ERGIC2: variants seen among roughly 807,000 people sequenced by gnomAD.
The protein encoded by ERGIC2 is endoplasmic reticulum-Golgi intermediate compartment protein 2.
A neutral mutation model predicts 52.5 loss-of-function variants in ERGIC2; 31 were observed. The observed-to-expected ratio is 0.59, with a 90% CI of 0.44 to 0.80. ERGIC2 has a LOEUF of 0.80. Among genes scored for constraint, ERGIC2 ranks in the 30% least tolerant of loss-of-function variants. The pLI is 0.00. For missense variants in ERGIC2, 395 were observed against 455.2 expected, an observed-to-expected ratio of 0.87 and a Z score of 1.20; for synonymous variants, 129 against 140.6, an observed-to-expected ratio of 0.92 and a Z score of 0.58.
At chr12:29,368,331 G>C (rs1435872589) in intron 3 of ERGIC2, 44 bp from the exon 4 acceptor site, 1 of 998,972 alleles carries the variant, frequency 1.0e-6, no homozygotes, top group East Asian at 2.4e-5. Context: ...CAATTAATTA[G>C]CAAAACATGA....
chr12:29,363,638 A>T (rs1046661850), intron 5 of ERGIC2, among the ~76,000 whole-genome samples: 25 of 152,106 alleles, frequency 1.6e-4, no homozygotes, highest in African/African-American at 5.5e-4. Context: ...CAATGAAAAC[A>T]GTCAACAATA....
chr12:29,377,831 CTT>C (rs1172149879), intron 1 of ERGIC2, among the ~76,000 whole-genome samples: 1 of 152,128 alleles, frequency 6.6e-6, no homozygotes, highest in Non-Finnish European at 1.5e-5. Flanking sequence ...AATTCATGAA[CTT>C]TTTATAGTCT....
intron 6 of ERGIC2, among the ~76,000 whole-genome samples, chr12:29,360,675 T>TATAATATAC (rs1421084531): frequency 6.7e-6 from 1 of 148,868 alleles, no homozygotes; most frequent in Non-Finnish European, 1.5e-5. Context: ...CAGAAATATA[T>TATAATATAC]ATAATATACA....
chr12:29,378,479 G>A (rs933804057), intron 1 of ERGIC2, among the ~76,000 whole-genome samples: 29 of 151,614 alleles, frequency 1.9e-4, no homozygotes, highest in African/African-American at 7.0e-4. Context: ...AGAAATAAAA[G>A]GTAAAACTAC....
intron 1 of ERGIC2, among the ~76,000 whole-genome samples, chr12:29,380,120 A>C (rs547081288): frequency 6.6e-6 from 1 of 152,098 alleles, no homozygotes; most frequent in African/African-American, 2.4e-5. Context: ...CCACCCTCCC[A>C]AAAAATCAGA....
chr12:29,343,063 C>A, intron 12 of ERGIC2, 57 bp downstream of exon 12: 3 of 1,422,444 alleles, frequency 2.1e-6, no homozygotes, highest in Admixed American at 2.2e-5. Flanking sequence ...TGAGAAGAAG[C>A]AACTTAAGTA....
At position 29,345,108 on chromosome 12, in the gene ERGIC2, C is replaced by G. The variant is rs138964624; in HGVS notation, c.825+335G>C. 3.4e-3 allele frequency among the ~76,000 whole-genome samples: 523 copies of G among 152,218 alleles called. 5 individuals are homozygous for G. Among genetic ancestry groups the G allele is most frequent in the African/African-American group, 0.012 (491 of 41,550 alleles). On this transcript the variant is annotated intron_variant, in intron 11 of 13. Transcript: ENST00000360150. ...AAAGAATCTGCTGCCAGATCAAGAA[C>G]TGCTTATATCAATTTATGAGAAAAC...
In ERGIC2 at chr12:29,356,257, A is replaced by C. The variant is rs956771642; in HGVS notation, c.572+125T>G. On this transcript the variant is annotated intron_variant, in intron 8 of 13. Transcript: ENST00000360150. ...AGGCAGTTCTTGAACTCCTGACCTC[A>C]GGTGATCCACCCGCCTCAGCCTCCC... The C allele has an allele frequency of 1.0e-5, 6 of 586,134 alleles. No individual in the cohort carries two copies. In the Admixed American group the frequency reaches 1.6e-4, roughly 16 times the overall value. The allele number at this position is 586,134 out of a possible 1,614,324, so 36.3% of individuals were successfully genotyped here. A position where few individuals can be genotyped will look rare whatever the true frequency, so the allele number is the denominator to read the frequency against.
chr12:29,356,534 T>A, intron 7 of ERGIC2, 57 bp from the exon 8 acceptor site: 2 of 888,046 alleles, frequency 2.3e-6, no homozygotes, highest in Non-Finnish European at 3.5e-6. Flanking sequence ...CATTTTATGA[T>A]GAGAAAAATG....
At chr12:29,341,324 A>C (rs925368604) in intron 13 of ERGIC2, 106 bp from the exon 14 acceptor site, 2 of 829,420 alleles carry the variant, frequency 2.4e-6, no homozygotes, top group African/African-American at 3.5e-5. Flanking sequence ...CTAGTAACCA[A>C]AAGCTACTAT....
At chr12:29,361,022 G>A (rs544721019) in intron 6 of ERGIC2, among the ~76,000 whole-genome samples, 94 of 152,248 alleles carry the variant, frequency 6.2e-4, no homozygotes, top group Non-Finnish European at 1.1e-3. Context: ...CAACATGGGC[G>A]GATCACTTCA....
At chr12:29,355,872 C>T (rs1940195322) in intron 8 of ERGIC2, among the ~76,000 whole-genome samples, 1 of 152,030 alleles carries the variant, frequency 6.6e-6, no homozygotes, top group Non-Finnish European at 1.5e-5. Flanking sequence ...GACTGTTTTA[C>T]TTTTGTTTTG....
At chr12:29,379,991 T>C (rs1321102384) in intron 1 of ERGIC2, among the ~76,000 whole-genome samples, 6 of 152,028 alleles carry the variant, frequency 3.9e-5, no homozygotes, top group Non-Finnish European at 7.4e-5. Context: ...AAACTTGATA[T>C]ATTTTTATGA....
rs1379511846 is a variant in ERGIC2 at position 29,341,830 on chromosome 12, T to A, written c.989-14A>T. 8.1e-7 allele frequency: 1 copy of A among 1,230,132 alleles called. No individual in the cohort carries two copies. The highest frequency in any genetic ancestry group is 2.3e-5 in the East Asian group (1 of 43,068). 76.2% of individuals were successfully genotyped at this position (1,230,132 alleles called of 1,614,324 possible). A position where few individuals can be genotyped will look rare whatever the true frequency, so the allele number is the denominator to read the frequency against. On this transcript the variant is annotated splice_polypyrimidine_tract_variant and intron_variant, in intron 12 of 13. Transcript: ENST00000360150. Reference sequence around the variant, plus strand: ...CATGTAACATGCCTGTAATAAACAATAAGTTTATGCTTTTAATTATTTCCT... The same window carrying A: ...CATGTAACATGCCTGTAATAAACAAAAAGTTTATGCTTTTAATTATTTCCT...
chr12:29,341,986 G>T, intron 12 of ERGIC2, 170 bp from the exon 13 acceptor site: 1 of 471,396 alleles, frequency 2.1e-6, no homozygotes. Context: ...TCTTTTCAAA[G>T]TCACAAGGCC....
intron 6 of ERGIC2, 143 bp downstream of exon 6, chr12:29,361,502 G>A (rs1162748306): frequency 2.1e-6 from 1 of 478,070 alleles, no homozygotes; most frequent in Non-Finnish European, 3.5e-6. Context: ...TTTTGAAATT[G>A]TAAGGATTAT....
rs188532297 is a variant in ERGIC2 at position 29,358,574 on chromosome 12, C to T, written c.375-850G>A. ...AACATAGGTTCACTGATTATAACAACTATATCCAATCTGATGCAAGTTGTT... is the reference window on the plus strand; with the variant it reads ...AACATAGGTTCACTGATTATAACAATTATATCCAATCTGATGCAAGTTGTT... On this transcript the variant is annotated intron_variant, in intron 6 of 13. Coordinates refer to ENST00000360150, the MANE Select transcript of ERGIC2 (RefSeq NM_016570.3). 2.3e-3 allele frequency among the ~76,000 whole-genome samples: 346 copies of T among 152,226 alleles called. 2 individuals are homozygous for T. The highest frequency in any genetic ancestry group is 8.0e-3 in the African/African-American group (334 of 41,556).
rs1940441990 is a variant in ERGIC2, at chr12:29,371,598, C to CAAAAA, written c.35_36insTTTTT (p.Leu12PhefsTer4). 6.2e-7 allele frequency: 1 copy of CAAAAA among 1,613,472 alleles called. No homozygotes were observed. The highest frequency in any genetic ancestry group is 1.7e-5 in the Admixed American group (1 of 59,938). On this transcript the variant is annotated frameshift_variant, in exon 2 of 14. Transcript: ENST00000360150. LOFTEE classifies it high-confidence loss of function. ...TCGGAAAGGCATCCAACTCTTTTAC[C>CAAAAA]AAACTTAAAGTTTTTTTCCGATTCA...
chr12:29,360,677 T>C (rs992872629), intron 6 of ERGIC2, among the ~76,000 whole-genome samples: 14 of 148,888 alleles, frequency 9.4e-5, no homozygotes, highest in Non-Finnish European at 1.9e-4. Context: ...GAAATATATA[T>C]AATATACATA....
Sources: allele counts gnomAD v4.1 joint callset (sites outside exome capture counted in the v4.1 genomes callset), GRCh38; gene constraint gnomAD v4.1.1; transcripts MANE v1.5; gene names NCBI Gene and HGNC (gene_info 2026-07-23, HGNC 2026-07-21).